Variants in DDX46 observed in about 807,000 individuals in gnomAD.
DDX46 encodes the protein DEAD-box helicase 46, also known as probable ATP-dependent RNA helicase DDX46.
A neutral mutation model predicts 134.9 loss-of-function variants in DDX46; 30 were observed. The ratio of observed to expected loss-of-function variants is 0.22; its 90% confidence interval spans 0.17 to 0.30. The LOEUF is 0.30. Ranked by LOEUF, DDX46 falls within the 10% of genes least tolerant of loss-of-function variation. DDX46 has a pLI of 1.00. For missense variants in DDX46, 622 were observed against 1,248.7 expected (o/e 0.50, Z 7.56); for synonymous variants, 415 against 404.1 (o/e 1.03, Z -0.32).
intron 1 of DDX46, among the ~76,000 whole-genome samples, chr5:134,760,726 T>G (rs899052560): frequency 1.3e-5 from 2 of 151,870 alleles, no homozygotes; most frequent in African/African-American, 4.8e-5. Flanking sequence ...CTTGGTTGTT[T>G]TTTTGTTTTT....
At chr5:134,787,607 C>T (rs566603267) in intron 11 of DDX46, among the ~76,000 whole-genome samples, 2 of 152,168 alleles carry the variant, frequency 1.3e-5, no homozygotes, top group East Asian at 3.9e-4. Flanking sequence ...AATACACTTA[C>T]AAAATAACAT....
intron 5 of DDX46, among the ~76,000 whole-genome samples, chr5:134,776,983 C>T (rs1041101051): frequency 2.7e-5 from 4 of 149,636 alleles, no homozygotes; most frequent in African/African-American, 9.9e-5. Context: ...GAGGCCGAGG[C>T]GGGCGGATCA....
intron 14 of DDX46, 83 bp downstream of exon 14, chr5:134,795,097 G>A (rs1305628345): frequency 7.3e-6 from 11 of 1,502,832 alleles, no homozygotes; most frequent in African/African-American, 1.4e-5. Context: ...TGTTTGTGAG[G>A]TAGGCAAGGT....
intron 15 of DDX46, among the ~76,000 whole-genome samples, chr5:134,800,279 C>T (rs1754787578): frequency 6.6e-6 from 1 of 152,080 alleles, no homozygotes; most frequent in Admixed American, 6.6e-5. Flanking sequence ...ATTTTTTCAA[C>T]ATGGATTAGT....
chr5:134,785,323 T>G, intron 10 of DDX46, 142 bp from the exon 11 acceptor site: 1 of 997,136 alleles, frequency 1.0e-6, no homozygotes, highest in Non-Finnish European at 1.4e-6. Context: ...TATACAACTT[T>G]TGAAATAGTT....
At chr5:134,824,599 A>G (rs1027355947) in intron 21 of DDX46, among the ~76,000 whole-genome samples, 6 of 152,204 alleles carry the variant, frequency 3.9e-5, no homozygotes, top group Non-Finnish European at 8.8e-5. Flanking sequence ...AAAAGAAAAG[A>G]AAAAGAAATA....
chr5:134,769,327 GT>G (rs1026334806), intron 3 of DDX46, among the ~76,000 whole-genome samples: 219 of 100,460 alleles, frequency 2.2e-3, no homozygotes, highest in Middle Eastern at 0.018. Flanking sequence ...TATTTTCAAG[GT>G]TTTTTTTTTT....
chr5:134,799,137 A>G (rs1363015775), intron 15 of DDX46, among the ~76,000 whole-genome samples: 1 of 152,192 alleles, frequency 6.6e-6, no homozygotes, highest in Admixed American at 6.5e-5. Flanking sequence ...TCTGGAACCA[A>G]TCCCCTGAGG....
At chr5:134,809,480 G>T (rs567028408) in intron 16 of DDX46, among the ~76,000 whole-genome samples, 3 of 152,004 alleles carry the variant, frequency 2.0e-5, no homozygotes, top group Non-Finnish European at 4.4e-5. Flanking sequence ...CGATTCTCCT[G>T]CCTCAGTGTC....
chr5:134,770,665 A>G (rs547879149), intron 3 of DDX46, among the ~76,000 whole-genome samples: 4 of 152,242 alleles, frequency 2.6e-5, no homozygotes, highest in Non-Finnish European at 5.9e-5. Context: ...TACAAAAATT[A>G]TATGAGTGTG....
At chr5:134,780,138 G>GTGTA (rs1158560431) in intron 6 of DDX46, among the ~76,000 whole-genome samples, 3 of 142,324 alleles carry the variant, frequency 2.1e-5, no homozygotes, top group African/African-American at 5.1e-5. Flanking sequence ...GTGTGTGTGT[G>GTGTA]TATATGTATA....
chr5:134,759,195 C>T (rs944790356), intron 1 of DDX46, among the ~76,000 whole-genome samples: 1 of 152,206 alleles, frequency 6.6e-6, no homozygotes, highest in Non-Finnish European at 1.5e-5. Flanking sequence ...GAACAACCCT[C>T]CAGGACGTTA....
At chr5:134,765,736 G>A (rs1217489283) in intron 2 of DDX46, among the ~76,000 whole-genome samples, 1 of 152,144 alleles carries the variant, frequency 6.6e-6, no homozygotes, top group African/African-American at 2.4e-5. Flanking sequence ...ACAAGATTGT[G>A]TTGTGAGTGG....
chr5:134,768,849 A>G (rs1372592717), intron 3 of DDX46, among the ~76,000 whole-genome samples: 1 of 152,102 alleles, frequency 6.6e-6, no homozygotes, highest in Non-Finnish European at 1.5e-5. Flanking sequence ...TCACGAGGTC[A>G]GGAGTTTGAG....
At chr5:134,816,766 A>G (rs113631376) in intron 19 of DDX46, 160 bp downstream of exon 19, 5 of 728,566 alleles carry the variant, frequency 6.9e-6, no homozygotes, top group African/African-American at 3.6e-5. Flanking sequence ...TTGCATTTGG[A>G]TGATTTCTCA....
rs1258403422 is a variant in DDX46, at chr5:134,758,913, G to A, written c.-26G>A. The A allele has an allele frequency of 1.9e-6, 3 of 1,613,644 alleles. No individual in the cohort carries two copies. The highest frequency in any genetic ancestry group is 1.7e-6 in the Non-Finnish European group (2 of 1,179,874). Reference sequence around the variant, plus strand: ...GTTCGCCTGTGCGTGGTACTCAAGGGCACCAGTATTCCCGCGGTCGGCAGC... The same window carrying A: ...GTTCGCCTGTGCGTGGTACTCAAGGACACCAGTATTCCCGCGGTCGGCAGC... On this transcript the variant is annotated 5_prime_UTR_variant, in exon 1 of 23. Transcript: ENST00000452510.
At chr5:134,783,682 T>C in intron 9 of DDX46, among the ~76,000 whole-genome samples, 1 of 145,272 alleles carries the variant, frequency 6.9e-6, no homozygotes, top group Non-Finnish European at 1.5e-5. Context: ...CCCAAGTAGG[T>C]GGGATTACAG....
chr5:134,790,010 AAAT>A (rs1317854782), intron 12 of DDX46: 4 of 451,386 alleles, frequency 8.9e-6, no homozygotes, highest in Non-Finnish European at 1.8e-5. Flanking sequence ...GTAGGTTATA[AAAT>A]AATATAGAGA....
At chr5:134,786,079 C>G (rs1315074535) in intron 11 of DDX46, among the ~76,000 whole-genome samples, 2 of 152,096 alleles carry the variant, frequency 1.3e-5, no homozygotes, top group East Asian at 3.9e-4. Context: ...GAACACCTGA[C>G]CTCAGGTGAT....
Sources: allele counts gnomAD v4.1 joint callset (sites outside exome capture counted in the v4.1 genomes callset), GRCh38; gene constraint gnomAD v4.1.1; transcripts MANE v1.5; gene names NCBI Gene and HGNC (gene_info 2026-07-23, HGNC 2026-07-21).